The following KIF6 variants were observed in gnomAD, a reference collection of about 807,000 sequenced individuals.
KIF6 encodes kinesin family member 6.
A neutral mutation model predicts 112.7 loss-of-function variants in KIF6; 106 were observed. The ratio of observed to expected loss-of-function variants is 0.94; its 90% CI spans 0.80 to 1.11. The LOEUF is 1.11. Among genes scored for constraint, KIF6 ranks in the 50% least tolerant of loss-of-function variants. The pLI, the probability that KIF6 is intolerant of heterozygous loss-of-function variation, is 0.00. For missense variants in KIF6, 929 were observed against 964.0 expected, an observed-to-expected ratio of 0.96 and a Z score of 0.48; for synonymous variants, 339 against 339.9, an observed-to-expected ratio of 1.00 and a Z score of 0.03.
At position 39,528,199 on chromosome 6, in the gene KIF6, T is replaced by A. The variant is rs115628488; in HGVS notation, c.1645+11804A>T. ...GATTGTTTTAGATTCCATGTATAAG[T>A]GAGAACATGTGGTATTGTCTCTCTG... is the stretch of plus-strand genomic sequence containing the variant. On this transcript the variant is annotated intron_variant, in intron 13 of 22. Coordinates refer to ENST00000287152, the MANE Select transcript of KIF6 (RefSeq NM_145027.6). 9.2e-3 allele frequency among the ~76,000 whole-genome samples: 1,401 copies of A among 152,334 alleles called. 23 individuals carry two copies. The highest frequency in any genetic ancestry group is 0.032 in the African/African-American group (1,340 of 41,564).
intron 7 of KIF6, among the ~76,000 whole-genome samples, chr6:39,595,454 T>G (rs1782200217): frequency 6.6e-6 from 1 of 152,332 alleles, no homozygotes; most frequent in Non-Finnish European, 1.5e-5. Flanking sequence ...AATGTAGGGC[T>G]GTTGTGACGT....
chr6:39,458,614 T>C (rs1391861576), intron 13 of KIF6, among the ~76,000 whole-genome samples: 9 of 143,374 alleles, frequency 6.3e-5, no homozygotes, highest in Non-Finnish European at 1.4e-4. Flanking sequence ...ATTGTTTATC[T>C]AGAAAACCCC....
At chr6:39,358,302 G>A (rs986206826) in intron 18 of KIF6, among the ~76,000 whole-genome samples, 7 of 152,220 alleles carry the variant, frequency 4.6e-5, no homozygotes, top group Non-Finnish European at 1.5e-5. Context: ...TTGTTCTAAT[G>A]AGGTTTGGAG....
intron 15 of KIF6, among the ~76,000 whole-genome samples, chr6:39,405,620 G>C (rs1178266956): frequency 2.0e-5 from 3 of 152,118 alleles, no homozygotes; most frequent in Non-Finnish European, 2.9e-5. Flanking sequence ...GCTAGTATTT[G>C]TGTATATTTA....
At chr6:39,376,152 G>C (rs1315570272) in intron 16 of KIF6, among the ~76,000 whole-genome samples, 1 of 152,212 alleles carries the variant, frequency 6.6e-6, no homozygotes, top group Admixed American at 6.5e-5. Flanking sequence ...AGAGTTACCT[G>C]AATTCTTTTG....
chr6:39,603,786 C>T (rs1782716338), intron 6 of KIF6, among the ~76,000 whole-genome samples: 1 of 152,066 alleles, frequency 6.6e-6, no homozygotes, highest in Non-Finnish European at 1.5e-5. Context: ...TTCAATGATT[C>T]AAATAACCTC....
intron 10 of KIF6, among the ~76,000 whole-genome samples, chr6:39,546,464 C>T (rs1032353735): frequency 6.6e-6 from 1 of 152,120 alleles, no homozygotes. Context: ...TTTTTCCTAT[C>T]CTAAAACAAA....
At chr6:39,707,481 C>T (rs979480374) in intron 3 of KIF6, among the ~76,000 whole-genome samples, 6 of 152,210 alleles carry the variant, frequency 3.9e-5, no homozygotes, top group Admixed American at 6.5e-5. Flanking sequence ...GGTTAAGTGT[C>T]CCCGCTCTGT....
intron 10 of KIF6, among the ~76,000 whole-genome samples, chr6:39,546,821 G>A (rs1384881883): frequency 2.6e-5 from 3 of 113,724 alleles, no homozygotes; most frequent in African/African-American, 1.2e-4. Context: ...ACAAGACCCT[G>A]TCTCAAAAAA....
At chr6:39,664,555 A>C (rs1786346684) in intron 3 of KIF6, among the ~76,000 whole-genome samples, 1 of 152,224 alleles carries the variant, frequency 6.6e-6, no homozygotes, top group South Asian at 2.1e-4. Flanking sequence ...GTAGTGAATT[A>C]GATATGTAAA....
At chr6:39,524,717 C>T (rs144625795) in intron 13 of KIF6, among the ~76,000 whole-genome samples, 48 of 152,340 alleles carry the variant, frequency 3.2e-4, no homozygotes, top group African/African-American at 9.1e-4. Context: ...GTTAGGTCAA[C>T]TGAGGCTGTT....
chr6:39,448,181 AT>A lies in KIF6; in HGVS notation c.1646-17021del, dbSNP rs796266776. Among the ~76,000 whole-genome samples the A allele has an allele frequency of 1.5e-4, 22 of 150,058 alleles. No individual in the cohort carries two copies. In the East Asian group the frequency reaches 2.3e-3, roughly 16 times the overall value. ...TATGAACAAAAAGTACATTTTATTAATTTTTTTTTTGAGATGAAGTCTTGCT... is the reference window on the plus strand; with the variant it reads ...TATGAACAAAAAGTACATTTTATTAATTTTTTTTTGAGATGAAGTCTTGCT... On this transcript the variant is annotated intron_variant, in intron 13 of 22. Transcript: ENST00000287152.
At chr6:39,420,122 G>GA in intron 14 of KIF6, 119 bp from the exon 15 acceptor site, 1 of 688,784 alleles carries the variant, frequency 1.5e-6, no homozygotes, top group Non-Finnish European at 2.5e-6. Flanking sequence ...AGACACAAAA[G>GA]AAAAATCTAA....
intron 15 of KIF6, among the ~76,000 whole-genome samples, chr6:39,392,252 A>G (rs1332524350): frequency 6.6e-6 from 1 of 152,142 alleles, no homozygotes; most frequent in African/African-American, 2.4e-5. Context: ...CATCCATTCC[A>G]CAGAATGCAC....
chr6:39,343,656 CAA>C lies in KIF6; in HGVS notation c.2428+51_2428+52del, dbSNP rs1365416274. 2 of 1,406,436 alleles carry C rather than the reference CAA, an allele frequency of 1.4e-6. No homozygotes were observed. The highest frequency in any genetic ancestry group is 2.8e-5 in the African/African-American group (2 of 70,436). The allele number at this position is 1,406,436 out of a possible 1,614,324, so 87.1% of individuals were successfully genotyped here. ...CTCCCACCTCACTGTGTGCTCCCCACAAGTGTTGGTGACCTGCTGCCCAGGAG... is the reference window on the plus strand; with the variant it reads ...CTCCCACCTCACTGTGTGCTCCCCACGTGTTGGTGACCTGCTGCCCAGGAG... On this transcript the variant is annotated intron_variant, in intron 22 of 22. Transcript: ENST00000287152. The surrounding 1 kb of genome is among the most constrained non-coding windows in gnomAD (Gnocchi z 4.1).
intron 13 of KIF6, among the ~76,000 whole-genome samples, chr6:39,516,561 C>T (rs1777097046): frequency 6.6e-6 from 1 of 151,122 alleles, no homozygotes; most frequent in Admixed American, 6.6e-5. Flanking sequence ...CTCATACCCA[C>T]AGTTATTACT....
At chr6:39,398,566 C>T (rs1408768331) in intron 15 of KIF6, among the ~76,000 whole-genome samples, 1 of 152,076 alleles carries the variant, frequency 6.6e-6, no homozygotes, top group African/African-American at 2.4e-5. Context: ...TTTAATGGGG[C>T]ATTTGAGGTT....
intron 5 of KIF6, among the ~76,000 whole-genome samples, chr6:39,621,194 TAGAC>T (rs1783795753): frequency 8.3e-6 from 1 of 120,204 alleles, no homozygotes; most frequent in Non-Finnish European, 1.7e-5. Flanking sequence ...CACCGTAAGA[TAGAC>T]ACACACACAC....
At chr6:39,437,768 G>A (rs1031404526) in intron 13 of KIF6, among the ~76,000 whole-genome samples, 2 of 152,136 alleles carry the variant, frequency 1.3e-5, no homozygotes, top group Non-Finnish European at 2.9e-5. Flanking sequence ...CTGCATGTAC[G>A]ACGGTGGTCC....
Sources: gnomAD v4.1 joint callset for allele counts (sites outside exome capture counted in the v4.1 genomes callset) on GRCh38, gnomAD v4.1.1 for gene constraint, Gnocchi (gnomAD v3.1) non-coding constraint, MANE v1.5 for transcripts, NCBI Gene and HGNC (gene_info 2026-07-23, HGNC 2026-07-21) for gene names.